The following VAV3 variants were observed in gnomAD, a reference collection of about 807,000 sequenced individuals.
VAV3 encodes the protein vav guanine nucleotide exchange factor 3, also known as guanine nucleotide exchange factor VAV3.
In VAV3, 94 loss-of-function variants were observed where a neutral mutation model predicts 131.2. That is an observed-to-expected ratio of 0.72 (90% CI 0.61 to 0.85). The LOEUF (loss-of-function observed/expected upper bound fraction) is 0.85. VAV3 is among the 40% of genes least tolerant of loss of function. The pLI is 0.00. For synonymous variants in VAV3, 349 were observed against 342.0 expected, an observed-to-expected ratio of 1.02 and a Z score of -0.22; for missense variants, 939 against 1,002.7, an observed-to-expected ratio of 0.94 and a Z score of 0.86.
chr1:107,755,521 A>G lies in VAV3; in HGVS notation c.1087-8T>C. 1 of 1,603,720 alleles carries G rather than the reference A, an allele frequency of 6.2e-7. No individual in the cohort carries two copies. The highest frequency in any genetic ancestry group is 8.5e-7 in the Non-Finnish European group (1 of 1,172,790). ...CACATATTGTGCCAAGTCCTAGACA[A>G]TAAAGAAAAGGGTAGAAAAAGAAGG... On this transcript the variant is annotated splice_region_variant and splice_polypyrimidine_tract_variant and intron_variant, in intron 11 of 26. Transcript: ENST00000370056.
At chr1:107,738,179 G>A (rs2102005256) in intron 15 of VAV3, among the ~76,000 whole-genome samples, 1 of 152,240 alleles carries the variant, frequency 6.6e-6, no homozygotes, top group South Asian at 2.1e-4. Flanking sequence ...CGAAGGGTGG[G>A]GAACATCACA....
chr1:107,768,383 A>T, intron 7 of VAV3, 58 bp downstream of exon 7: 1 of 1,330,958 alleles, frequency 7.5e-7, no homozygotes, highest in African/African-American at 1.5e-5. Context: ...GAACCCCCTA[A>T]GGAAATGAAG....
At chr1:107,679,100 G>T (rs182729093) in intron 19 of VAV3, among the ~76,000 whole-genome samples, 11 of 152,198 alleles carry the variant, frequency 7.2e-5, no homozygotes, top group Non-Finnish European at 1.3e-4. Context: ...ATGAAAGAAA[G>T]ATTTCTTAGA....
At chr1:107,773,935 A>T (rs1665192263) in intron 4 of VAV3, among the ~76,000 whole-genome samples, 1 of 151,788 alleles carries the variant, frequency 6.6e-6, no homozygotes, top group African/African-American at 2.4e-5. Context: ...TAATCCCAGA[A>T]CTCCTGCTTG....
chr1:107,716,924 T>C (rs139511776), intron 15 of VAV3, among the ~76,000 whole-genome samples: 63 of 152,320 alleles, frequency 4.1e-4, no homozygotes, highest in African/African-American at 1.4e-3. Context: ...CAGCCTGTTA[T>C]TGGTATACTC....
At chr1:107,645,262 T>A (rs965392231) in intron 19 of VAV3, among the ~76,000 whole-genome samples, 8 of 152,036 alleles carry the variant, frequency 5.3e-5, no homozygotes, top group Non-Finnish European at 1.2e-4. Flanking sequence ...GTATAGTGTT[T>A]CTTCAACTCA....
intron 2 of VAV3, among the ~76,000 whole-genome samples, chr1:107,821,433 CAGAT>C (rs1452845932): frequency 6.6e-6 from 1 of 152,160 alleles, no homozygotes; most frequent in Non-Finnish European, 1.5e-5. Flanking sequence ...AAACCCAACT[CAGAT>C]AGAAGAAGCC....
intron 2 of VAV3, among the ~76,000 whole-genome samples, chr1:107,815,079 G>A (rs1250490379): frequency 6.6e-6 from 1 of 152,140 alleles, no homozygotes; most frequent in Non-Finnish European, 1.5e-5. Flanking sequence ...TCATGTTATT[G>A]AAATGAATTA....
intron 1 of VAV3, among the ~76,000 whole-genome samples, chr1:107,964,134 T>C (rs1297055895): frequency 6.6e-6 from 1 of 152,174 alleles, no homozygotes; most frequent in East Asian, 1.9e-4. Flanking sequence ...CTCCGGGTTC[T>C]GCTCCCTGTT....
At chr1:107,799,689 T>C (rs962758281) in intron 2 of VAV3, among the ~76,000 whole-genome samples, 8 of 152,224 alleles carry the variant, frequency 5.3e-5, no homozygotes, top group African/African-American at 1.9e-4. Context: ...CTTTTCTTTA[T>C]GCTGGGAATG....
At chr1:107,689,700 C>A (rs1054727546) in intron 17 of VAV3, among the ~76,000 whole-genome samples, 5 of 152,128 alleles carry the variant, frequency 3.3e-5, no homozygotes, top group South Asian at 2.1e-4. Flanking sequence ...CTGAAATCAA[C>A]CTTTACAAAG....
intron 1 of VAV3, among the ~76,000 whole-genome samples, chr1:107,876,661 AC>A (rs944540840): frequency 6.6e-6 from 1 of 152,176 alleles, no homozygotes; most frequent in Non-Finnish European, 1.5e-5. Context: ...ACTTAAAAAA[AC>A]AAAAGTTAAA....
chr1:107,712,328 T>C (rs976984291), intron 15 of VAV3, among the ~76,000 whole-genome samples: 1 of 152,170 alleles, frequency 6.6e-6, no homozygotes, highest in African/African-American at 2.4e-5. Flanking sequence ...TGAAACATTA[T>C]GAGATTGAGA....
At chr1:107,797,559 G>C (rs1666607133) in intron 2 of VAV3, among the ~76,000 whole-genome samples, 1 of 152,158 alleles carries the variant, frequency 6.6e-6, no homozygotes, top group Admixed American at 6.5e-5. Context: ...TCTGGGTCAA[G>C]GGAGGTTCTC....
At chr1:107,791,468 A>G (rs1325277221) in intron 2 of VAV3, among the ~76,000 whole-genome samples, 1 of 152,158 alleles carries the variant, frequency 6.6e-6, no homozygotes, top group Admixed American at 6.5e-5. Context: ...AGGAGGAAAT[A>G]CATTCAAGGG....
chr1:107,766,433 A>C lies in VAV3; in HGVS notation c.821+14T>G, dbSNP rs770130477. The C allele has an allele frequency of 1.9e-6, 3 of 1,575,512 alleles. No individual in the cohort carries two copies. The South Asian group carries it at 3.4e-5, about 18-fold the overall frequency. ...ACAAGCTAAGACCCACAAAACTTAA[A>C]CTTCAAAAGTTACCTTTCCTTGTAG... On this transcript the variant is annotated intron_variant, in intron 8 of 26. Transcript: ENST00000370056.
intron 2 of VAV3, among the ~76,000 whole-genome samples, chr1:107,810,840 G>A (rs1407388565): frequency 6.6e-6 from 1 of 151,782 alleles, no homozygotes; most frequent in Non-Finnish European, 1.5e-5. Context: ...AACAATACGC[G>A]ACAGGACCAG....
intron 1 of VAV3, among the ~76,000 whole-genome samples, chr1:107,913,897 C>T (rs559210543): frequency 1.3e-5 from 2 of 152,096 alleles, no homozygotes; most frequent in Non-Finnish European, 1.5e-5. Context: ...CAGGTTCAAG[C>T]GATTCTTCCG....
At chr1:107,598,384 A>C (rs1410317778) in intron 24 of VAV3, among the ~76,000 whole-genome samples, 2 of 151,382 alleles carry the variant, frequency 1.3e-5, no homozygotes, top group South Asian at 4.2e-4. Context: ...AACACCAAAA[A>C]ACACACACAC....
Sources: allele counts gnomAD v4.1 joint callset (sites outside exome capture counted in the v4.1 genomes callset), GRCh38; gene constraint gnomAD v4.1.1; transcripts MANE v1.5; gene names NCBI Gene and HGNC (gene_info 2026-07-23, HGNC 2026-07-21).